The following TCN1 variants were observed in gnomAD, a reference collection of about 807,000 sequenced individuals.
The protein encoded by TCN1 is transcobalamin 1, also known as transcobalamin-1.
A neutral mutation model predicts 46.3 loss-of-function variants in TCN1; 47 were observed. The observed-to-expected ratio is 1.01, with a 90% confidence interval of 0.80 to 1.29. The LOEUF is 1.29. TCN1 is among the 50% of genes most tolerant of loss of function. TCN1 has a pLI of 0.00. For synonymous variants in TCN1, 183 were observed against 192.5 expected (o/e 0.95, Z 0.41); for missense variants, 532 against 511.0 (o/e 1.04, Z -0.40).
At chr11:59,857,945 G>A (rs969165894) in intron 5 of TCN1, among the ~76,000 whole-genome samples, 1 of 152,096 alleles carries the variant, frequency 6.6e-6, no homozygotes, top group South Asian at 2.1e-4. Context: ...ATCAGCGGGG[G>A]ATACATTCCA....
chr11:59,859,073 T>C lies in TCN1; in HGVS notation c.747+4A>G, dbSNP rs775692786. ...TCTGCCTCCTGTTTCACCCTCTGACTTACCTGCATGGCTTCTCCTGTGCTA... is the reference window on the plus strand; with the variant it reads ...TCTGCCTCCTGTTTCACCCTCTGACCTACCTGCATGGCTTCTCCTGTGCTA... On this transcript the variant is annotated splice_donor_region_variant and intron_variant, in intron 5 of 8. Coordinates refer to ENST00000257264, the MANE Select transcript of TCN1 (RefSeq NM_001062.4). 1.2e-6 allele frequency: 2 copies of C among 1,612,888 alleles called. No homozygotes were observed. Among genetic ancestry groups the C allele is most frequent in the South Asian group, 2.2e-5 (2 of 91,086 alleles).
chr11:59,865,355 G>C (rs1262213047), intron 1 of TCN1, among the ~76,000 whole-genome samples: 1 of 152,066 alleles, frequency 6.6e-6, no homozygotes, highest in African/African-American at 2.4e-5. Context: ...GAGTCTCAAA[G>C]ATAAATTTAA....
intron 6 of TCN1, 130 bp from the exon 7 acceptor site, chr11:59,854,965 A>AT: frequency 1.0e-6 from 1 of 1,003,908 alleles, no homozygotes; most frequent in Non-Finnish European, 1.5e-6. Context: ...ATAAGGAGCA[A>AT]TTATCATCAC....
At chr11:59,857,323 G>A (rs1360255698) in intron 5 of TCN1, among the ~76,000 whole-genome samples, 1 of 152,154 alleles carries the variant, frequency 6.6e-6, no homozygotes, top group South Asian at 2.1e-4. Context: ...CTGGGTATTA[G>A]TGTTTTCTAA....
In TCN1 at chr11:59,852,957, G is replaced by C; in HGVS notation, c.*18C>G. 6 of 1,613,252 alleles carry C rather than the reference G, an allele frequency of 3.7e-6. No individual in the cohort carries two copies. The highest frequency in any genetic ancestry group is 5.1e-6 in the Non-Finnish European group (6 of 1,179,184). Reference sequence around the variant, plus strand: ...CACTGCAAATGGATTTTATGCAGCTGAGGAAAGTTTGGGCTTATTAGTATT... The same window carrying C: ...CACTGCAAATGGATTTTATGCAGCTCAGGAAAGTTTGGGCTTATTAGTATT... On this transcript the variant is annotated 3_prime_UTR_variant, in exon 9 of 9. Transcript: ENST00000257264.
chr11:59,862,762 T>G (rs749310352), intron 2 of TCN1, 40 bp from the exon 3 acceptor site: 20 of 1,610,272 alleles, frequency 1.2e-5, no homozygotes, highest in Non-Finnish European at 1.7e-5. Context: ...GGTACAGGCT[T>G]GTGATTTTTT....
chr11:59,863,871 T>A (rs1188208084), intron 2 of TCN1, 36 bp downstream of exon 2: 1 of 1,611,840 alleles, frequency 6.2e-7, no homozygotes, highest in South Asian at 1.1e-5. Flanking sequence ...ATAGGTAGAT[T>A]TTTTTCTAAA....
rs77208943 is a variant in TCN1 at position 59,865,786 on chromosome 11, A to G, written c.79+606T>C. Among the ~76,000 whole-genome samples, 1,368 of 152,222 alleles carry G rather than the reference A, an allele frequency of 9.0e-3. 23 individuals are homozygous for G. The highest frequency in any genetic ancestry group is 0.031 in the African/African-American group (1,277 of 41,518). ...CCTGAATTTAGTTTTCCCTTCTCTTACTTTAAAGTTCTTTTACAGAACCAC... is the reference window on the plus strand; with the variant it reads ...CCTGAATTTAGTTTTCCCTTCTCTTGCTTTAAAGTTCTTTTACAGAACCAC... On this transcript the variant is annotated intron_variant, in intron 1 of 8. Transcript: ENST00000257264.
chr11:59,864,600 G>T (rs1398754134), intron 1 of TCN1, among the ~76,000 whole-genome samples: 2 of 152,002 alleles, frequency 1.3e-5, no homozygotes, highest in African/African-American at 4.8e-5. Flanking sequence ...AAACTTCATT[G>T]TCTGATTACC....
At chr11:59,861,415 GC>G in intron 4 of TCN1, 111 bp downstream of exon 4, 1 of 1,220,528 alleles carries the variant, frequency 8.2e-7, no homozygotes, top group African/African-American at 1.5e-5. Context: ...GGGGACTAGA[GC>G]AAAGAGGGTA....
intron 4 of TCN1, among the ~76,000 whole-genome samples, chr11:59,861,293 C>A (rs1326197650): frequency 3.9e-5 from 6 of 152,156 alleles, no homozygotes; most frequent in African/African-American, 1.2e-4. Context: ...GTTTATATAA[C>A]CCAAAGAAGA....
At chr11:59,854,227 AAAAT>A (rs145926120) in intron 7 of TCN1, among the ~76,000 whole-genome samples, 2,716 of 151,490 alleles carry the variant, frequency 0.018, 202 homozygotes, top group African/African-American at 0.063. Context: ...TGCTGTCTGT[AAAAT>A]AAATAAATAA....
intron 6 of TCN1, 84 bp downstream of exon 6, chr11:59,855,785 T>C (rs1210238215): frequency 1.3e-6 from 2 of 1,483,950 alleles, no homozygotes; most frequent in East Asian, 2.3e-5. Context: ...CTGGTCACTT[T>C]TGGTTTCAAA....
chr11:59,862,207 T>C (rs1332305981), intron 3 of TCN1, among the ~76,000 whole-genome samples: 3 of 152,204 alleles, frequency 2.0e-5, no homozygotes, highest in African/African-American at 7.2e-5. Context: ...ATTGTATATT[T>C]TGGTACTTAT....
chr11:59,852,852 G>C lies in TCN1; in HGVS notation c.*123C>G. 1.1e-6 allele frequency: 1 copy of C among 874,326 alleles called. No individual in the cohort carries two copies. Among genetic ancestry groups the C allele is most frequent in the South Asian group, 1.3e-5 (1 of 75,784 alleles). 54.2% of individuals were successfully genotyped at this position (874,326 alleles called of 1,614,324 possible). A position where few individuals can be genotyped will look rare whatever the true frequency, so the allele number is the denominator to read the frequency against. On this transcript the variant is annotated 3_prime_UTR_variant, in exon 9 of 9. Transcript: ENST00000257264. ...ACAACTTTTATTGAACATGTAGAGA[G>C]AGAAGGGGAGGTTATTAACTCTCCT...
At chr11:59,857,856 ATTAG>A (rs1852963714) in intron 5 of TCN1, among the ~76,000 whole-genome samples, 1 of 152,142 alleles carries the variant, frequency 6.6e-6, no homozygotes. Flanking sequence ...GTTTTGTGAG[ATTAG>A]TTAGATTACT....
In TCN1 at chr11:59,861,664, G is replaced by C; in HGVS notation, c.419C>G (p.Pro140Arg). 6.2e-7 allele frequency: 1 copy of C among 1,614,094 alleles called. No homozygotes were observed. The highest frequency in any genetic ancestry group is 8.5e-7 in the Non-Finnish European group (1 of 1,179,962). ...IENMEAHNGTPLTNYYQLSLD... is the reference protein window; with the variant it reads ...IENMEAHNGTRLTNYYQLSLD... ...GCTGAGCTGGTAGTAGTTAGTCAGG[G>C]GAGTGCCATTGTGTGCTTCTAGAAA... Residue 140 changes from proline (P) to arginine (R), a missense_variant, in exon 4 of 9, where the codon CCC becomes CGC. Pro to Arg is a moderately radical substitution (Grantham distance 103). Coordinates refer to ENST00000257264, the MANE Select transcript of TCN1 (RefSeq NM_001062.4).
chr11:59,856,206 C>A (rs1852936271), intron 5 of TCN1, 148 bp from the exon 6 acceptor site: 2 of 675,150 alleles, frequency 3.0e-6, no homozygotes, highest in Admixed American at 2.6e-5. Context: ...ACCTAGGAAG[C>A]ACCTCAGATA....
chr11:59,859,886 A>C (rs935557414), intron 4 of TCN1, among the ~76,000 whole-genome samples: 4 of 152,216 alleles, frequency 2.6e-5, no homozygotes, highest in African/African-American at 9.7e-5. Context: ...AGTGCCCTGC[A>C]AAGATATGTC....
Sources: gnomAD v4.1 joint callset for allele counts (sites outside exome capture counted in the v4.1 genomes callset) on GRCh38, gnomAD v4.1.1 for gene constraint, MANE v1.5 for transcripts, NCBI Gene and HGNC (gene_info 2026-07-23, HGNC 2026-07-21) for gene names.